The following RPSA2 variants were observed in gnomAD, a reference collection of about 807,000 sequenced individuals.
RPSA2 encodes the protein small ribosomal subunit protein uS2B.
the RPSA2 span, among the ~76,000 whole-genome samples, chr19:23,861,178 G>A: frequency 2.0e-5 from 3 of 152,140 alleles, no homozygotes; most frequent in Non-Finnish European, 4.4e-5. Flanking sequence ...AAATTCTGAG[G>A]CAAAACCTTG....
the RPSA2 span, among the ~76,000 whole-genome samples, chr19:23,845,639 G>T: frequency 6.6e-6 from 1 of 152,118 alleles, no homozygotes; most frequent in African/African-American, 2.4e-5. Flanking sequence ...TCATAGGTGC[G>T]CAGCACCACA....
chr19:23,835,189 TAATA>T, the RPSA2 span, among the ~76,000 whole-genome samples: 1 of 141,596 alleles, frequency 7.1e-6, no homozygotes, highest in Non-Finnish European at 1.5e-5. Flanking sequence ...TCTGAGTCCT[TAATA>T]AATATTTTTA....
the RPSA2 span, among the ~76,000 whole-genome samples, chr19:23,814,710 A>G: frequency 5.9e-5 from 9 of 152,226 alleles, no homozygotes; most frequent in African/African-American, 1.9e-4. Context: ...CTGAGCAAAC[A>G]TATGTTGAAG....
chr19:23,820,071 G>A, the RPSA2 span, among the ~76,000 whole-genome samples: 3 of 152,186 alleles, frequency 2.0e-5, no homozygotes, highest in African/African-American at 4.8e-5. Flanking sequence ...AAAAGGTGCA[G>A]ACAAGTACTA....
chr19:23,769,438 G>C, the RPSA2 span, among the ~76,000 whole-genome samples: 147,190 of 152,216 alleles, frequency 0.97, 71,387 homozygotes, highest in Middle Eastern at 1. Context: ...CCACCTCCTG[G>C]GTTCAAGTGA....
chr19:23,816,435 AT>A, the RPSA2 span, among the ~76,000 whole-genome samples: 1 of 152,278 alleles, frequency 6.6e-6, no homozygotes, highest in East Asian at 1.9e-4. Flanking sequence ...AAGTAATTTA[AT>A]TTATATTTAA....
chr19:23,843,802 G>A, the RPSA2 span, among the ~76,000 whole-genome samples: 1 of 151,714 alleles, frequency 6.6e-6, no homozygotes, highest in African/African-American at 2.4e-5. Context: ...TCTTGTTGCC[G>A]AGGCTGGAGT....
At chr19:23,790,880 T>C in the RPSA2 span, 6 of 505,590 alleles carry the variant, frequency 1.2e-5, no homozygotes, top group South Asian at 1.1e-4. Context: ...CTCCACAATC[T>C]GCACCCTGAG....
At chr19:23,866,880 CA>C in the RPSA2 span, among the ~76,000 whole-genome samples, 1 of 152,178 alleles carries the variant, frequency 6.6e-6, no homozygotes, top group African/African-American at 2.4e-5. Context: ...TAATTTTAGG[CA>C]AAAGCTGCCT....
the RPSA2 span, among the ~76,000 whole-genome samples, chr19:23,838,385 T>G: frequency 6.6e-6 from 1 of 152,126 alleles, no homozygotes; most frequent in African/African-American, 2.4e-5. Context: ...AGGATATGGG[T>G]CTGTAGTTTT....
chr19:23,848,891 G>A, the RPSA2 span, among the ~76,000 whole-genome samples: 43 of 152,282 alleles, frequency 2.8e-4, 1 homozygote, highest in Admixed American at 2.3e-3. Flanking sequence ...GTGGTGACCA[G>A]TGCAGTGACT....
At chr19:23,775,846 C>T in the RPSA2 span, among the ~76,000 whole-genome samples, 4 of 152,206 alleles carry the variant, frequency 2.6e-5, no homozygotes, top group Non-Finnish European at 5.9e-5. Flanking sequence ...ATCCAACATA[C>T]AGGAGGTGTT....
At chr19:23,779,386 C>G in the RPSA2 span, among the ~76,000 whole-genome samples, 33 of 152,206 alleles carry the variant, frequency 2.2e-4, no homozygotes, top group African/African-American at 7.7e-4. Context: ...TGATGTATCA[C>G]TGGGCCTAAC....
At chr19:23,796,400 T>G in the RPSA2 span, among the ~76,000 whole-genome samples, 1 of 137,316 alleles carries the variant, frequency 7.3e-6, no homozygotes, top group African/African-American at 2.7e-5. Context: ...TTTGCATGAA[T>G]GTTGAAAGAT....
At chr19:23,834,169 G>T in the RPSA2 span, among the ~76,000 whole-genome samples, 1 of 151,906 alleles carries the variant, frequency 6.6e-6, no homozygotes. Flanking sequence ...CAAAACTATA[G>T]ATAGCATAAA....
At chr19:23,846,880 C>A in the RPSA2 span, among the ~76,000 whole-genome samples, 1 of 152,136 alleles carries the variant, frequency 6.6e-6, no homozygotes, top group Non-Finnish European at 1.5e-5. Context: ...GATTGCTGAG[C>A]TTCCTGTATA....
At chr19:23,759,670 C>T in the RPSA2 span, among the ~76,000 whole-genome samples, 1,638 of 151,594 alleles carry the variant, frequency 0.011, 34 homozygotes, top group African/African-American at 0.038. Flanking sequence ...ACTACAGGTG[C>T]GTGCCACCAT....
chr19:23,758,840 A>C, the RPSA2 span: 1 of 1,579,120 alleles, frequency 6.3e-7, no homozygotes, highest in East Asian at 2.2e-5. Flanking sequence ...CTAGAAGAAG[A>C]GGACACAGAG....
chr19:23,768,423 T>G, the RPSA2 span, among the ~76,000 whole-genome samples: 2 of 151,060 alleles, frequency 1.3e-5, no homozygotes, highest in South Asian at 2.1e-4. Context: ...CTCTGTTCTG[T>G]ATTCTGTTGT....
Sources: allele counts gnomAD v4.1 joint callset (sites outside exome capture counted in the v4.1 genomes callset), GRCh38; gene constraint gnomAD v4.1.1; transcripts MANE v1.5; gene names NCBI Gene and HGNC (gene_info 2026-07-23, HGNC 2026-07-21).